RIT2: variants seen among roughly 807,000 people sequenced by gnomAD.
The protein encoded by RIT2 is GTP-binding protein Rit2.
A neutral mutation model predicts 23.7 loss-of-function variants in RIT2; 24 were observed. The observed-to-expected ratio is 1.01, with a 90% CI of 0.73 to 1.43. The LOEUF (loss-of-function observed/expected upper bound fraction) is 1.43, where lower values mean the gene tolerates loss of function less well. Among genes scored for constraint, RIT2 ranks in the 40% most tolerant of loss-of-function variants. RIT2 has a pLI of 0.00. For synonymous variants in RIT2, 107 were observed against 91.1 expected (o/e 1.17, Z -0.99); for missense variants, 236 against 266.9 (o/e 0.88, Z 0.81).
At chr18:43,115,344 C>G in intron 1 of RIT2, 73 bp downstream of exon 1, 1 of 1,571,516 alleles carries the variant, frequency 6.4e-7, no homozygotes, top group Non-Finnish European at 8.7e-7. Context: ...TCAGCAATAT[C>G]ATTTTTCTTT....
At chr18:42,818,049 GATTTT>G (rs1398762547) in intron 4 of RIT2, among the ~76,000 whole-genome samples, 1 of 151,758 alleles carries the variant, frequency 6.6e-6, no homozygotes, top group Non-Finnish European at 1.5e-5. Context: ...AGGTTATTTT[GATTTT>G]ATAAGATGAA....
At chr18:42,869,781 A>T (rs1434216738) in intron 4 of RIT2, among the ~76,000 whole-genome samples, 3 of 152,218 alleles carry the variant, frequency 2.0e-5, no homozygotes, top group Non-Finnish European at 4.4e-5. Context: ...TAACAACAGA[A>T]TCATGTAAAT....
At chr18:42,799,324 C>T (rs1377246649) in intron 4 of RIT2, among the ~76,000 whole-genome samples, 6 of 152,144 alleles carry the variant, frequency 3.9e-5, no homozygotes, top group Non-Finnish European at 8.8e-5. Context: ...TCTAGCCAAA[C>T]CCTTTACCTA....
In RIT2 at chr18:42,895,827, C is replaced by A. The variant is rs16977105; in HGVS notation, c.426+27745G>T. The stretch of plus-strand genomic sequence containing the variant: ...AGAGTGGAAGGAGCAAGTTGCACAG[C>A]AATATGGGCTTAGTAAATCATGAAT... On this transcript the variant is annotated intron_variant, in intron 4 of 4. Coordinates refer to ENST00000326695, the MANE Select transcript of RIT2 (RefSeq NM_002930.4). Among the ~76,000 whole-genome samples the A allele has an allele frequency of 8.0e-3, 1,218 of 152,128 alleles. 19 individuals carry two copies. The highest frequency in any genetic ancestry group is 0.028 in the African/African-American group (1,160 of 41,476).
At chr18:42,911,244 A>T (rs1908761893) in intron 4 of RIT2, among the ~76,000 whole-genome samples, 1 of 152,098 alleles carries the variant, frequency 6.6e-6, no homozygotes, top group South Asian at 2.1e-4. Flanking sequence ...AAAAATAAAC[A>T]CAAAATATAT....
At chr18:42,840,323 A>C (rs915481305) in intron 4 of RIT2, among the ~76,000 whole-genome samples, 1 of 152,316 alleles carries the variant, frequency 6.6e-6, no homozygotes, top group East Asian at 1.9e-4. Flanking sequence ...TTTATCTAAA[A>C]TTTAAATCCA....
Position 42,743,319 on chromosome 18 carries a change from A to G in RIT2, c.*174T>C. The G allele has an allele frequency of 5.0e-6, 3 of 606,040 alleles. No individual in the cohort carries two copies. The highest frequency in any genetic ancestry group is 8.7e-6 in the Non-Finnish European group (3 of 343,784). The allele number at this position is 606,040 out of a possible 1,614,324, so 37.5% of individuals were successfully genotyped here. ...TTGACAAAATCCATCCAACTGTTAA[A>G]GGCAAAACAAAACTATCTCAAGAGG... is the stretch of plus-strand genomic sequence containing the variant. On this transcript the variant is annotated 3_prime_UTR_variant, in exon 5 of 5. Transcript: ENST00000326695.
chr18:42,745,927 T>C (rs945248426), intron 4 of RIT2, among the ~76,000 whole-genome samples: 1 of 152,180 alleles, frequency 6.6e-6, no homozygotes, highest in Non-Finnish European at 1.5e-5. Context: ...GTTACACTTA[T>C]ATTAATACAG....
In RIT2 at chr18:42,899,163, C is replaced by G. The variant is rs537348029; in HGVS notation, c.426+24409G>C. The stretch of plus-strand genomic sequence containing the variant: ...AAAGTAATTACTTTACAGTTTCTTT[C>G]ACTCATTGACCTCAATAATTGAATC... On this transcript the variant is annotated intron_variant, in intron 4 of 4. Transcript: ENST00000326695. 2.6e-5 allele frequency among the ~76,000 whole-genome samples: 4 copies of G among 151,892 alleles called. No individual in the cohort carries two copies. The South Asian group carries it at 6.3e-4, about 24-fold the overall frequency.
At chr18:42,976,761 G>A (rs1233430301) in intron 2 of RIT2, among the ~76,000 whole-genome samples, 2 of 152,022 alleles carry the variant, frequency 1.3e-5, no homozygotes, top group South Asian at 2.1e-4. Context: ...TAGAATGCTC[G>A]CTCTGGCTGA....
intron 4 of RIT2, chr18:42,920,830 A>T: frequency 1.9e-6 from 2 of 1,027,062 alleles, no homozygotes; most frequent in Non-Finnish European, 3.0e-6. Flanking sequence ...CAATAGCACC[A>T]GTGTAATTTC....
intron 4 of RIT2, among the ~76,000 whole-genome samples, chr18:42,848,459 G>T (rs918545036): frequency 2.0e-5 from 3 of 152,118 alleles, no homozygotes; most frequent in Non-Finnish European, 4.4e-5. Context: ...ACTGAAACTT[G>T]GCAGTTAGCA....
intron 4 of RIT2, among the ~76,000 whole-genome samples, chr18:42,796,067 C>G (rs900802791): frequency 6.6e-6 from 1 of 152,128 alleles, no homozygotes; most frequent in Non-Finnish European, 1.5e-5. Context: ...AGTGGCAACC[C>G]GCTCAGGTCC....
intron 1 of RIT2, among the ~76,000 whole-genome samples, chr18:43,040,053 G>T (rs915986970): frequency 2.6e-5 from 4 of 152,124 alleles, no homozygotes; most frequent in African/African-American, 7.2e-5. Flanking sequence ...ATACCAATTT[G>T]GTCAAGACCG....
chr18:42,869,565 A>AT (rs1429037941), intron 4 of RIT2, among the ~76,000 whole-genome samples: 3 of 152,124 alleles, frequency 2.0e-5, no homozygotes, highest in Non-Finnish European at 4.4e-5. Flanking sequence ...CTCGTCATAC[A>AT]TTTTTTATTA....
intron 4 of RIT2, among the ~76,000 whole-genome samples, chr18:42,908,731 G>A (rs1439192644): frequency 6.6e-6 from 1 of 152,100 alleles, no homozygotes. Flanking sequence ...AAGGGAAATT[G>A]AGAGAATTTG....
chr18:43,051,409 A>AT (rs1202535072), intron 1 of RIT2, among the ~76,000 whole-genome samples: 2 of 152,162 alleles, frequency 1.3e-5, no homozygotes, highest in African/African-American at 4.8e-5. Flanking sequence ...GAAGATAGTT[A>AT]TTTTTTTCTG....
chr18:42,850,076 CGT>C (rs60962443), intron 4 of RIT2, among the ~76,000 whole-genome samples: 1,929 of 142,664 alleles, frequency 0.014, 24 homozygotes, highest in African/African-American at 0.037. Context: ...AAAATACACC[CGT>C]GTGTGTGTGT....
chr18:42,976,733 A>G (rs913696852), intron 2 of RIT2, among the ~76,000 whole-genome samples: 5 of 152,144 alleles, frequency 3.3e-5, no homozygotes, highest in African/African-American at 1.2e-4. Flanking sequence ...TTATAATGCC[A>G]TCTTCAAATG....
Sources: allele counts gnomAD v4.1 joint callset (sites outside exome capture counted in the v4.1 genomes callset), GRCh38; gene constraint gnomAD v4.1.1; transcripts MANE v1.5; gene names NCBI Gene and HGNC (gene_info 2026-07-23, HGNC 2026-07-21).